The following USP40 variants were observed in gnomAD, a reference collection of about 807,000 sequenced individuals.
The protein encoded by USP40 is ubiquitin carboxyl-terminal hydrolase 40.
A neutral mutation model predicts 166.2 loss-of-function variants in USP40; 143 were observed. That is an observed-to-expected ratio of 0.86 (90% confidence interval 0.75 to 0.99). The LOEUF (loss-of-function observed/expected upper bound fraction) is 0.99, where lower values mean the gene tolerates loss of function less well. Ranked by LOEUF, USP40 falls within the 50% of genes least tolerant of loss-of-function variation. The pLI is 0.00. For synonymous variants in USP40, 498 were observed against 524.0 expected, an observed-to-expected ratio of 0.95 and a Z score of 0.68; for missense variants, 1,444 against 1,479.7, an observed-to-expected ratio of 0.98 and a Z score of 0.40.
chr2:233,512,686 TCAAA>T, intron 18 of USP40, 64 bp from the exon 19 acceptor site: 4 of 910,448 alleles, frequency 4.4e-6, no homozygotes, highest in Non-Finnish European at 4.6e-6. Flanking sequence ...CATCCTATTA[TCAAA>T]ATAAAAGGAA....
At chr2:233,536,485 C>CA (rs2068944493) in intron 10 of USP40, among the ~76,000 whole-genome samples, 1 of 151,990 alleles carries the variant, frequency 6.6e-6, no homozygotes, top group South Asian at 2.1e-4. Flanking sequence ...CTCATCTCTA[C>CA]AAAAAAATAC....
At chr2:233,495,588 T>C (rs999350639) in intron 24 of USP40, among the ~76,000 whole-genome samples, 3 of 152,228 alleles carry the variant, frequency 2.0e-5, no homozygotes, top group African/African-American at 4.8e-5. Flanking sequence ...CCTATTAAAA[T>C]TCTTCAGTAA....
At chr2:233,520,748 TGAGTAACTCCCACATTCTAATTCTA>T (rs1575281411) in intron 17 of USP40, among the ~76,000 whole-genome samples, 2 of 152,272 alleles carry the variant, frequency 1.3e-5, no homozygotes, top group East Asian at 3.9e-4. Flanking sequence ...ACTAACTAAA[TGAGTAACTCCCACATTCTAATTCTA>T]GGCTTTGGAG....
At chr2:233,531,040 G>A (rs559616769) in intron 11 of USP40, among the ~76,000 whole-genome samples, 66 of 152,152 alleles carry the variant, frequency 4.3e-4, no homozygotes, top group African/African-American at 1.6e-3. Context: ...TCATTTAAGT[G>A]ATTTGTATAA....
chr2:233,556,188 A>T (rs2071078437), intron 5 of USP40, among the ~76,000 whole-genome samples: 3 of 152,116 alleles, frequency 2.0e-5, no homozygotes, highest in African/African-American at 7.2e-5. Context: ...TAAATAACAA[A>T]AGCAGCCTTT....
chr2:233,566,334 C>T (rs1406249262), intron 1 of USP40, among the ~76,000 whole-genome samples: 1 of 152,124 alleles, frequency 6.6e-6, no homozygotes, highest in Non-Finnish European at 1.5e-5. Context: ...CGTAAAGCGC[C>T]TAGCATAGGT....
intron 5 of USP40, among the ~76,000 whole-genome samples, chr2:233,555,636 C>CTTTTTTT (rs1232616788): frequency 1.5e-5 from 2 of 129,034 alleles, no homozygotes; most frequent in East Asian, 2.2e-4. Context: ...AAAAATCACT[C>CTTTTTTT]TTTTTTTTTT....
intron 3 of USP40, chr2:233,561,032 T>C (rs899427302): frequency 2.2e-5 from 26 of 1,188,434 alleles, no homozygotes; most frequent in Non-Finnish European, 2.8e-5. Context: ...CCAAGTCACT[T>C]TCTGGAAATA....
At chr2:233,545,695 A>C in intron 8 of USP40, 1 of 201,952 alleles carries the variant, frequency 5.0e-6, no homozygotes, top group South Asian at 1.1e-4. Context: ...TTGGTCCTGA[A>C]AACTACTCCT....
intron 12 of USP40, among the ~76,000 whole-genome samples, chr2:233,528,494 C>CA (rs1441194834): frequency 6.6e-6 from 1 of 152,192 alleles, no homozygotes; most frequent in Non-Finnish European, 1.5e-5. Context: ...TGAACATGGT[C>CA]AGAGAGCACA....
At chr2:233,561,021 G>T in intron 3 of USP40, 1 of 1,085,410 alleles carries the variant, frequency 9.2e-7, no homozygotes, top group Non-Finnish European at 1.4e-6. Context: ...TAGGGTATAG[G>T]CCAAGTCACT....
chr2:233,493,498 G>A lies in USP40; in HGVS notation c.2844C>T (p.His948=), dbSNP rs2065481088. Residue 948 remains histidine (H), a synonymous_variant, in exon 25 of 32, where the codon CAC becomes CAT. Transcript: ENST00000678225. The surrounding 1 kb of genome is among the most constrained non-coding windows in gnomAD (Gnocchi z 4.7). ...WWYQLQGPSG[H]WESHQDQTNC... The stretch of plus-strand genomic sequence containing the variant: ...TGGTCTGGTCCTGATGACTCTCCCA[G>A]TGTCCTGAGGGACCCTGAAGCTGGT... 6.2e-7 allele frequency: 1 copy of A among 1,613,776 alleles called. No homozygotes were observed.
At chr2:233,521,883 C>T (rs746077953) in intron 16 of USP40, among the ~76,000 whole-genome samples, 16 of 152,148 alleles carry the variant, frequency 1.1e-4, no homozygotes, top group East Asian at 3.9e-4. Flanking sequence ...TGACAATGAC[C>T]GTAATATATT....
Position 233,527,525 on chromosome 2 carries a change from G to A in USP40, c.1607C>T (p.Pro536Leu), listed in dbSNP as rs1283211745. The change falls in exon 13 of 32, where the codon CCT (proline) becomes CTT (leucine). Residue 536 changes from proline (P) to leucine (L), a missense_variant. Coordinates refer to ENST00000678225, the MANE Select transcript of USP40 (RefSeq NM_001365479.2). ...AGCCCCATTGAAGAAATGATACTGAGGGCCCAGGTGAAGATGCAATTCAAA... is the reference window on the plus strand; with the variant it reads ...AGCCCCATTGAAGAAATGATACTGAAGGCCCAGGTGAAGATGCAATTCAAA... The part of the protein sequence containing the change: ...NTFELHLHLG[P>L]QYHFFNGALH... The A allele has an allele frequency of 1.9e-6, 3 of 1,613,114 alleles. No individual in the cohort carries two copies. Among genetic ancestry groups the A allele is most frequent in the African/African-American group, 2.7e-5 (2 of 74,864 alleles).
intron 12 of USP40, among the ~76,000 whole-genome samples, chr2:233,528,881 GC>G (rs756517379): frequency 2.0e-5 from 3 of 152,088 alleles, no homozygotes; most frequent in Non-Finnish European, 4.4e-5. Flanking sequence ...CAAAGGTGAG[GC>G]CCCAAAAGAG....
chr2:233,535,708 C>T (rs1356043065), intron 10 of USP40, among the ~76,000 whole-genome samples: 1 of 152,144 alleles, frequency 6.6e-6, no homozygotes, highest in African/African-American at 2.4e-5. Context: ...AGACTCTCCA[C>T]AACACATCAT....
At chr2:233,520,443 A>AC (rs1192017905) in intron 17 of USP40, among the ~76,000 whole-genome samples, 2 of 152,034 alleles carry the variant, frequency 1.3e-5, no homozygotes, top group African/African-American at 4.8e-5. Context: ...TAGAAAAAAA[A>AC]CCCATAATGA....
rs2067619462 is a variant in USP40, at chr2:233,521,104, T to C, written c.2212A>G (p.Lys738Glu). Residue 738 changes from lysine (K) to glutamate (E), a missense_variant, in exon 17 of 32, where the codon AAG becomes GAG. Physicochemically the swap from Lys to Glu is moderately conservative, Grantham distance 56. Coordinates refer to ENST00000678225, the MANE Select transcript of USP40 (RefSeq NM_001365479.2). Reference protein sequence around the residue: ...DSHDDNSLLTKEEKWVTSMNE... With the variant: ...DSHDDNSLLTEEEKWVTSMNE... ...ATACTAGTGACCCATTTCTCTTCCT[T>C]GGTCAACAAGCTGTAGGTAAAAAGA... 6.2e-7 allele frequency: 1 copy of C among 1,606,260 alleles called. No individual in the cohort carries two copies. Among genetic ancestry groups the C allele is most frequent in the Non-Finnish European group, 8.5e-7 (1 of 1,176,542 alleles).
intron 15 of USP40, among the ~76,000 whole-genome samples, chr2:233,524,043 T>C: frequency 6.6e-6 from 1 of 152,216 alleles, no homozygotes; most frequent in East Asian, 1.9e-4. Context: ...GGCGTACAAC[T>C]AGCACTGATT....
Sources: allele counts gnomAD v4.1 joint callset (sites outside exome capture counted in the v4.1 genomes callset), GRCh38; gene constraint gnomAD v4.1.1; non-coding constraint Gnocchi (gnomAD v3.1); transcripts MANE v1.5; gene names NCBI Gene and HGNC (gene_info 2026-07-23, HGNC 2026-07-21).